RPSA2: variants seen among roughly 807,000 people sequenced by gnomAD.
RPSA2 encodes ribosomal protein SA 2.
At chr19:23,815,668 G>A in the RPSA2 span, among the ~76,000 whole-genome samples, 3 of 151,796 alleles carry the variant, frequency 2.0e-5, no homozygotes, top group Non-Finnish European at 2.9e-5. Context: ...TGATTAATAC[G>A]GTCTGCAATG....
the RPSA2 span, among the ~76,000 whole-genome samples, chr19:23,846,586 C>G: frequency 1.3e-5 from 2 of 152,114 alleles, no homozygotes; most frequent in Non-Finnish European, 2.9e-5. Context: ...CTTTATTTGT[C>G]AGGATAAGAC....
chr19:23,830,611 A>T, the RPSA2 span, among the ~76,000 whole-genome samples: 1 of 150,378 alleles, frequency 6.6e-6, no homozygotes, highest in Non-Finnish European at 1.5e-5. Flanking sequence ...TTTTTTTTAA[A>T]TTTTTTTACC....
At chr19:23,819,442 G>A in the RPSA2 span, 1 of 152,206 alleles carries the variant, frequency 6.6e-6, no homozygotes, top group Non-Finnish European at 1.5e-5. Context: ...CACGATTCCT[G>A]CAACTTTAGC....
chr19:23,783,701 G>C, the RPSA2 span, among the ~76,000 whole-genome samples: 1 of 152,114 alleles, frequency 6.6e-6, no homozygotes, highest in African/African-American at 2.4e-5. Flanking sequence ...TTCCCACAGA[G>C]AGCCTTGGGA....
At chr19:23,815,494 C>G in the RPSA2 span, among the ~76,000 whole-genome samples, 1 of 152,158 alleles carries the variant, frequency 6.6e-6, no homozygotes, top group East Asian at 1.9e-4. Flanking sequence ...TATTATGTGA[C>G]ATGTACAGTT....
At chr19:23,781,855 T>C in the RPSA2 span, among the ~76,000 whole-genome samples, 2 of 152,192 alleles carry the variant, frequency 1.3e-5, no homozygotes, top group Non-Finnish European at 2.9e-5. Flanking sequence ...ATTTGTCTCT[T>C]TTTCCTGGGC....
chr19:23,786,439 C>A, the RPSA2 span, among the ~76,000 whole-genome samples: 2 of 152,066 alleles, frequency 1.3e-5, no homozygotes, highest in East Asian at 1.9e-4. Flanking sequence ...TGATTTGACT[C>A]TTCTTTTTTT....
At chr19:23,800,866 G>T in the RPSA2 span, among the ~76,000 whole-genome samples, 1 of 152,070 alleles carries the variant, frequency 6.6e-6, no homozygotes, top group Non-Finnish European at 1.5e-5. Flanking sequence ...ACCCACCTTA[G>T]CCCCCAAAGT....
chr19:23,860,130 G>A, the RPSA2 span, among the ~76,000 whole-genome samples: 1 of 152,114 alleles, frequency 6.6e-6, no homozygotes, highest in African/African-American at 2.4e-5. Flanking sequence ...AAAACACAGA[G>A]CTGCTCATAT....
the RPSA2 span, among the ~76,000 whole-genome samples, chr19:23,771,424 T>C: frequency 5.3e-5 from 8 of 152,208 alleles, no homozygotes; most frequent in East Asian, 1.9e-4. Context: ...CATGTACTTA[T>C]ACCCAACATA....
the RPSA2 span, chr19:23,832,558 T>C: frequency 1.1e-6 from 1 of 904,102 alleles, no homozygotes; most frequent in Non-Finnish European, 1.6e-6. Context: ...CCTACAAATG[T>C]CAAGAATGTG....
chr19:23,869,435 A>C, the RPSA2 span, among the ~76,000 whole-genome samples: 4 of 152,100 alleles, frequency 2.6e-5, no homozygotes, highest in Admixed American at 2.6e-4. Context: ...TGTGCTGACT[A>C]TATGGAATGG....
At chr19:23,816,945 T>A in the RPSA2 span, among the ~76,000 whole-genome samples, 7 of 152,204 alleles carry the variant, frequency 4.6e-5, no homozygotes, top group African/African-American at 1.7e-4. Context: ...AAGATGAGAC[T>A]TGGGTTGGGA....
the RPSA2 span, among the ~76,000 whole-genome samples, chr19:23,860,388 C>T: frequency 0.32 from 48,834 of 152,142 alleles, 8,187 homozygotes; most frequent in Non-Finnish European, 0.38. Flanking sequence ...TTTCTCCTTT[C>T]CCACATTCTT....
the RPSA2 span, among the ~76,000 whole-genome samples, chr19:23,830,107 A>G: frequency 4.6e-5 from 7 of 150,980 alleles, no homozygotes; most frequent in African/African-American, 1.7e-4. Flanking sequence ...CTCACTTAAT[A>G]GGTATTTTTT....
chr19:23,839,914 A>G, the RPSA2 span, among the ~76,000 whole-genome samples: 1 of 152,228 alleles, frequency 6.6e-6, no homozygotes. Flanking sequence ...GTTCAGGAGA[A>G]GAGAGTCTCC....
the RPSA2 span, among the ~76,000 whole-genome samples, chr19:23,867,998 A>G: frequency 1.3e-5 from 2 of 152,164 alleles, no homozygotes; most frequent in South Asian, 2.1e-4. Flanking sequence ...TCTGTTGGTG[A>G]AAGAATAATT....
the RPSA2 span, among the ~76,000 whole-genome samples, chr19:23,775,430 C>T: frequency 6.6e-6 from 1 of 152,128 alleles, no homozygotes; most frequent in Non-Finnish European, 1.5e-5. Flanking sequence ...GCCACAGGTA[C>T]GATCACGGGT....
At chr19:23,766,646 G>C in the RPSA2 span, among the ~76,000 whole-genome samples, 2 of 151,678 alleles carry the variant, frequency 1.3e-5, no homozygotes, top group African/African-American at 4.8e-5. Context: ...AGTAGAGACA[G>C]GGTTTCACCG....
Sources: allele counts gnomAD v4.1 joint callset (sites outside exome capture counted in the v4.1 genomes callset), GRCh38; gene constraint gnomAD v4.1.1; transcripts MANE v1.5; gene names NCBI Gene and HGNC (gene_info 2026-07-23, HGNC 2026-07-21).